Variants in MACROD2 observed in about 807,000 individuals in gnomAD.
MACROD2 encodes mono-ADP ribosylhydrolase 2.
Under a neutral mutation model 70.4 loss-of-function variants are expected in MACROD2, and 36 were observed. The observed-to-expected ratio is 0.51, with a 90% CI of 0.39 to 0.68. MACROD2 has a LOEUF of 0.68. Among genes scored for constraint, MACROD2 ranks in the 30% least tolerant of loss-of-function variants. MACROD2 has a pLI of 0.00. For missense variants in MACROD2, 496 were observed against 538.4 expected, an observed-to-expected ratio of 0.92 and a Z score of 0.78; for synonymous variants, 172 against 178.8, an observed-to-expected ratio of 0.96 and a Z score of 0.30.
chr20:15,986,225 G>A (rs1890563), intron 13 of MACROD2, among the ~76,000 whole-genome samples: 16,929 of 152,144 alleles, frequency 0.11, 1,109 homozygotes, highest in South Asian at 0.17. Flanking sequence ...AAGCGATACG[G>A]GAGGGTCTCT....
intron 3 of MACROD2, among the ~76,000 whole-genome samples, chr20:14,485,455 A>C (rs1769318687): frequency 6.6e-6 from 1 of 152,122 alleles, no homozygotes; most frequent in Non-Finnish European, 1.5e-5. Context: ...TAATCCCAGC[A>C]CTTTGGGAGG....
intron 5 of MACROD2, among the ~76,000 whole-genome samples, chr20:14,725,071 T>G (rs2071512694): frequency 1.3e-5 from 2 of 152,056 alleles, no homozygotes; most frequent in Non-Finnish European, 2.9e-5. Context: ...GCTCATGGAT[T>G]GGATATGGGG....
intron 6 of MACROD2, among the ~76,000 whole-genome samples, chr20:15,283,526 G>T (rs2077464598): frequency 6.6e-6 from 1 of 151,988 alleles, no homozygotes; most frequent in African/African-American, 2.4e-5. Flanking sequence ...CAAAAAATTA[G>T]CTGGGCATGG....
At chr20:14,515,802 T>A (rs1016972667) in intron 4 of MACROD2, among the ~76,000 whole-genome samples, 2 of 151,968 alleles carry the variant, frequency 1.3e-5, no homozygotes, top group African/African-American at 4.8e-5. Context: ...GCATGGCAAA[T>A]GAATTATAAG....
intron 4 of MACROD2, among the ~76,000 whole-genome samples, chr20:14,583,353 CCCAGCCTCTCATCATTTAGG>C (rs1319228662): frequency 6.6e-6 from 1 of 152,158 alleles, no homozygotes; most frequent in Non-Finnish European, 1.5e-5. Flanking sequence ...GAATAAACTC[CCCAGCCTCTCATCATTTAGG>C]TGGGCAACCC....
chr20:14,541,709 T>A (rs1415126723), intron 4 of MACROD2, among the ~76,000 whole-genome samples: 2 of 152,174 alleles, frequency 1.3e-5, no homozygotes, highest in African/African-American at 4.8e-5. Flanking sequence ...ATTCATTTTG[T>A]GTGGTTATGT....
chr20:14,353,170 G>A (rs953855223), intron 3 of MACROD2, among the ~76,000 whole-genome samples: 2 of 152,188 alleles, frequency 1.3e-5, no homozygotes, highest in Middle Eastern at 3.4e-3. Flanking sequence ...CATAGTCAGC[G>A]ACCCATGTTT....
chr20:14,740,098 T>G (rs557899729), intron 5 of MACROD2, among the ~76,000 whole-genome samples: 1 of 152,270 alleles, frequency 6.6e-6, no homozygotes, highest in Non-Finnish European at 1.5e-5. Flanking sequence ...CTTTATTCTT[T>G]AAAGTTCTTC....
rs944723802 is a variant in MACROD2 at position 15,995,897 on chromosome 20, T to C, written c.1153+8739T>C. Reference sequence around the variant, plus strand: ...TGTGTGTATGTGTGTGTCACATTTTTCTCTATTTATGCATCTATGGGCACT... The same window carrying C: ...TGTGTGTATGTGTGTGTCACATTTTCCTCTATTTATGCATCTATGGGCACT... On this transcript the variant is annotated intron_variant, in intron 15 of 17. Coordinates refer to ENST00000684519, the MANE Select transcript of MACROD2 (RefSeq NM_001351661.2). 5.3e-5 allele frequency among the ~76,000 whole-genome samples: 8 copies of C among 151,892 alleles called. 1 individual carries two copies. The South Asian group carries it at 1.7e-3, about 32-fold the overall frequency.
At chr20:15,207,192 C>T (rs2076716501) in intron 5 of MACROD2, among the ~76,000 whole-genome samples, 1 of 152,048 alleles carries the variant, frequency 6.6e-6, no homozygotes, top group African/African-American at 2.4e-5. Flanking sequence ...TTATTTCCTT[C>T]ATCACACCCT....
chr20:15,098,712 G>A (rs903594715), intron 5 of MACROD2, among the ~76,000 whole-genome samples: 1 of 152,338 alleles, frequency 6.6e-6, no homozygotes, highest in East Asian at 1.9e-4. Flanking sequence ...TATGATGGTG[G>A]TAGAACAGGG....
intron 5 of MACROD2, among the ~76,000 whole-genome samples, chr20:15,030,517 C>T (rs541165590): frequency 1.2e-3 from 180 of 152,276 alleles, no homozygotes; most frequent in African/African-American, 4.1e-3. Context: ...CTCTAGTTGC[C>T]CCAGCAGTCA....
At chr20:15,363,720 T>C (rs2078378952) in intron 6 of MACROD2, among the ~76,000 whole-genome samples, 2 of 152,158 alleles carry the variant, frequency 1.3e-5, no homozygotes, top group Admixed American at 6.5e-5. Context: ...ACAGACTCAT[T>C]TGGGAGCAAC....
At chr20:14,274,959 C>A (rs2122374128) in intron 3 of MACROD2, among the ~76,000 whole-genome samples, 1 of 152,122 alleles carries the variant, frequency 6.6e-6, no homozygotes, top group South Asian at 2.1e-4. Context: ...AGGACCTCTT[C>A]AAGGATAACT....
intron 6 of MACROD2, among the ~76,000 whole-genome samples, chr20:15,255,086 G>C (rs369060583): frequency 5.9e-5 from 9 of 151,850 alleles, no homozygotes; most frequent in African/African-American, 1.7e-4. Context: ...CTTTAAAAAT[G>C]TTGTTTAATT....
intron 8 of MACROD2, among the ~76,000 whole-genome samples, chr20:15,578,432 G>T (rs1028545703): frequency 1.3e-5 from 2 of 152,164 alleles, no homozygotes; most frequent in African/African-American, 4.8e-5. Context: ...TCATGAGGTG[G>T]TTGTGAGGAT....
chr20:14,285,489 T>A (rs1289968536), intron 3 of MACROD2, among the ~76,000 whole-genome samples: 1 of 152,136 alleles, frequency 6.6e-6, no homozygotes, highest in Non-Finnish European at 1.5e-5. Flanking sequence ...AAAGGAACCC[T>A]ATTCAGTTAT....
intron 5 of MACROD2, among the ~76,000 whole-genome samples, chr20:14,978,541 G>A (rs1415880859): frequency 4.0e-5 from 6 of 151,858 alleles, no homozygotes; most frequent in Non-Finnish European, 7.4e-5. Context: ...ATTGGTCACA[G>A]TACATATTTT....
At chr20:15,586,217 A>G (rs2048599491) in intron 8 of MACROD2, among the ~76,000 whole-genome samples, 1 of 152,198 alleles carries the variant, frequency 6.6e-6, no homozygotes, top group Admixed American at 6.5e-5. Flanking sequence ...TTAAGGCCAC[A>G]CATTACTGGA....
Sources: gnomAD v4.1 joint callset for allele counts (sites outside exome capture counted in the v4.1 genomes callset) on GRCh38, gnomAD v4.1.1 for gene constraint, MANE v1.5 for transcripts, NCBI Gene and HGNC (gene_info 2026-07-23, HGNC 2026-07-21) for gene names.